RAB11FIP2: variants seen among roughly 807,000 people sequenced by gnomAD.
RAB11FIP2 encodes rab11 family-interacting protein 2.
RAB11FIP2 carries 16 observed loss-of-function variants against 40.9 expected under a neutral mutation model. The ratio of observed to expected loss-of-function variants is 0.39; its 90% CI spans 0.26 to 0.59. The LOEUF is 0.59. Ranked by LOEUF, RAB11FIP2 falls within the 20% of genes least tolerant of loss-of-function variation. The pLI is 0.53. For missense variants in RAB11FIP2, 532 were observed against 606.2 expected (o/e 0.88, Z 1.28); for synonymous variants, 228 against 213.7 (o/e 1.07, Z -0.58).
chr10:118,034,091 T>A (rs1324979399), intron 3 of RAB11FIP2: 1 of 697,844 alleles, frequency 1.4e-6, no homozygotes, highest in East Asian at 2.7e-5. Flanking sequence ...CCATATGGTC[T>A]CTGTCACAAC....
chr10:118,042,427 A>G (rs1846572258), intron 1 of RAB11FIP2, among the ~76,000 whole-genome samples: 1 of 152,216 alleles, frequency 6.6e-6, no homozygotes, highest in African/African-American at 2.4e-5. Flanking sequence ...ATTAAAGTCA[A>G]TAAAGAAAAA....
At chr10:118,040,624 C>A in intron 1 of RAB11FIP2, 59 bp from the exon 2 acceptor site, 1 of 1,232,318 alleles carries the variant, frequency 8.1e-7, no homozygotes, top group South Asian at 1.5e-5. Flanking sequence ...ATACTGAGTT[C>A]TGTTACATAC....
At chr10:118,034,887 A>G (rs969040929) in intron 3 of RAB11FIP2, among the ~76,000 whole-genome samples, 2 of 152,156 alleles carry the variant, frequency 1.3e-5, no homozygotes, top group African/African-American at 4.8e-5. Context: ...TTAGGCATCA[A>G]TGGCACACAC....
intron 4 of RAB11FIP2, 30 bp from the exon 5 acceptor site, chr10:118,009,255 T>C (rs771657357): frequency 1.9e-6 from 3 of 1,549,146 alleles, no homozygotes; most frequent in East Asian, 2.2e-5. Flanking sequence ...GTCACTTTCA[T>C]AGATATAACA....
At chr10:118,028,242 A>T (rs1051107925) in intron 3 of RAB11FIP2, among the ~76,000 whole-genome samples, 6 of 151,856 alleles carry the variant, frequency 4.0e-5, no homozygotes, top group Non-Finnish European at 4.4e-5. Flanking sequence ...TTTATCCAAG[A>T]TTTCTAAGCT....
intron 3 of RAB11FIP2, among the ~76,000 whole-genome samples, chr10:118,026,163 G>C (rs1389430907): frequency 6.6e-6 from 1 of 152,164 alleles, no homozygotes; most frequent in Non-Finnish European, 1.5e-5. Context: ...CTGTCTGGTA[G>C]TCTAAAGATG....
At chr10:118,022,627 T>G (rs1181083271) in intron 3 of RAB11FIP2, among the ~76,000 whole-genome samples, 1 of 152,208 alleles carries the variant, frequency 6.6e-6, no homozygotes, top group Non-Finnish European at 1.5e-5. Flanking sequence ...TGAAAATGGT[T>G]TGTTTGACAA....
chr10:118,043,352 T>TA (rs1274868747), intron 1 of RAB11FIP2: 8 of 152,098 alleles, frequency 5.3e-5, no homozygotes, highest in Non-Finnish European at 2.9e-5. Context: ...ACTTCTATTG[T>TA]AAAAAATCAA....
In RAB11FIP2 at chr10:118,006,785, A is replaced by C. The variant is rs1453794590; in HGVS notation, c.*2213T>G. The C allele has an allele frequency of 6.6e-6, 1 of 152,106 alleles. No homozygotes were observed. Among genetic ancestry groups the C allele is most frequent in the African/African-American group, 2.4e-5 (1 of 41,444 alleles). The allele number at this position is 152,106 out of a possible 1,614,324, so 9.4% of individuals were successfully genotyped here. On this transcript the variant is annotated 3_prime_UTR_variant, in exon 5 of 5. Transcript: ENST00000355624. ...AATATAATACTTGTCTCAGATTTAA[A>C]GATAAAAATTTTGATTGAGTTATAA...
At chr10:118,039,466 A>G in intron 2 of RAB11FIP2, 26 bp from the exon 3 acceptor site, 1 of 1,560,968 alleles carries the variant, frequency 6.4e-7, no homozygotes, top group Non-Finnish European at 8.8e-7. Flanking sequence ...TAGTTAGTAC[A>G]TAATCAGTGA....
At chr10:118,042,678 T>C (rs528616757) in intron 1 of RAB11FIP2, among the ~76,000 whole-genome samples, 1 of 152,322 alleles carries the variant, frequency 6.6e-6, no homozygotes, top group African/African-American at 2.4e-5. Context: ...TAGAACTATA[T>C]TCTTACAAGT....
At chr10:118,041,994 T>C (rs1271402226) in intron 1 of RAB11FIP2, among the ~76,000 whole-genome samples, 1 of 152,002 alleles carries the variant, frequency 6.6e-6, no homozygotes, top group East Asian at 1.9e-4. Flanking sequence ...GCGATTTCTG[T>C]GAAATAGACA....
chr10:118,010,508 T>C (rs922998437), intron 4 of RAB11FIP2, among the ~76,000 whole-genome samples: 2 of 152,064 alleles, frequency 1.3e-5, no homozygotes, highest in East Asian at 1.9e-4. Flanking sequence ...GGGGTGTTCA[T>C]GAGAAAAGCC....
Position 118,006,052 on chromosome 10 carries a change from T to G in RAB11FIP2, c.*2946A>C, listed in dbSNP as rs1348100447. 4 of 152,626 alleles carry G rather than the reference T, an allele frequency of 2.6e-5. No individual in the cohort carries two copies. The highest frequency in any genetic ancestry group is 9.6e-5 in the African/African-American group (4 of 41,452). 9.5% of individuals were successfully genotyped at this position (152,626 alleles called of 1,614,324 possible). A position where few individuals can be genotyped will look rare whatever the true frequency, so the allele number is the denominator to read the frequency against. ...GGGACAATGGCAAAACTAGGCTCAA[T>G]GCAGAACATAGCAGCAAAAAGCAAT... On this transcript the variant is annotated 3_prime_UTR_variant, in exon 5 of 5. Transcript: ENST00000355624.
chr10:118,036,842 T>A (rs1846487175), intron 3 of RAB11FIP2, among the ~76,000 whole-genome samples: 1 of 151,902 alleles, frequency 6.6e-6, no homozygotes, highest in South Asian at 2.1e-4. Context: ...AATAATAAAG[T>A]AACTGAAAAC....
chr10:118,028,929 G>A (rs562007222), intron 3 of RAB11FIP2, among the ~76,000 whole-genome samples: 7 of 151,926 alleles, frequency 4.6e-5, no homozygotes, highest in South Asian at 4.2e-4. Context: ...TTCAAAAGCT[G>A]CTATTGTTTT....
intron 3 of RAB11FIP2, chr10:118,017,938 A>G (rs1341902303): frequency 6.6e-6 from 1 of 152,182 alleles, no homozygotes; most frequent in Non-Finnish European, 1.5e-5. Context: ...ATGCAACTCA[A>G]TGGCTGCTCA....
chr10:118,011,225 A>G (rs1846150849), intron 4 of RAB11FIP2, among the ~76,000 whole-genome samples: 1 of 152,138 alleles, frequency 6.6e-6, no homozygotes, highest in Admixed American at 6.6e-5. Flanking sequence ...TTATTTTAGC[A>G]TTAGAAACTG....
chr10:118,017,547 C>T (rs961750941), intron 3 of RAB11FIP2: 1 of 152,096 alleles, frequency 6.6e-6, no homozygotes, highest in Admixed American at 6.5e-5. Context: ...ACAGTAGTGT[C>T]GCTGCAGGAC....
Sources: gnomAD v4.1 joint callset for allele counts (sites outside exome capture counted in the v4.1 genomes callset) on GRCh38, gnomAD v4.1.1 for gene constraint, MANE v1.5 for transcripts, NCBI Gene and HGNC (gene_info 2026-07-23, HGNC 2026-07-21) for gene names.